TRAP1: variants seen among roughly 807,000 people sequenced by gnomAD.
TRAP1 encodes the protein TNF receptor associated protein 1.
In TRAP1, 102 loss-of-function variants were observed where a neutral mutation model predicts 89.1. The observed-to-expected ratio is 1.15, with a 90% CI of 0.98 to 1.35. The LOEUF is 1.35. Ranked by LOEUF, TRAP1 falls within the 40% of genes most tolerant of loss-of-function variation. TRAP1 has a pLI of 0.00. For synonymous variants in TRAP1, 508 were observed against 388.0 expected (o/e 1.31, Z -3.64); for missense variants, 1,256 against 945.3 (o/e 1.33, Z -4.31).
intron 4 of TRAP1, among the ~76,000 whole-genome samples, chr16:3,684,403 T>A (rs76433045): frequency 0.046 from 6,938 of 152,248 alleles, 184 homozygotes; most frequent in Admixed American, 0.058. Flanking sequence ...TATCAGTAGA[T>A]GAGATGGAAT....
At chr16:3,701,913 A>G (rs2051370626) in intron 1 of TRAP1, among the ~76,000 whole-genome samples, 1 of 152,164 alleles carries the variant, frequency 6.6e-6, no homozygotes, top group African/African-American at 2.4e-5. Flanking sequence ...ATATTAAATT[A>G]TTAAAAATAT....
At chr16:3,661,744 C>G in intron 16 of TRAP1, 1 of 418,948 alleles carries the variant, frequency 2.4e-6, no homozygotes, top group East Asian at 3.6e-5. Flanking sequence ...TAAAGCAAAA[C>G]GAGGACATGG....
At chr16:3,658,270 G>A (rs575299783) in intron 17 of TRAP1, 40 bp from the exon 18 acceptor site, 1 of 1,510,644 alleles carries the variant, frequency 6.6e-7, no homozygotes, top group Non-Finnish European at 9.0e-7. Flanking sequence ...AGGGGCATGG[G>A]GCACCTTTTC....
chr16:3,666,607 A>T (rs1219832763), intron 11 of TRAP1, among the ~76,000 whole-genome samples: 1 of 152,208 alleles, frequency 6.6e-6, no homozygotes, highest in Non-Finnish European at 1.5e-5. Flanking sequence ...GACATGAGAA[A>T]GTTAGCTGTG....
intron 14 of TRAP1, 118 bp downstream of exon 14, chr16:3,663,306 G>C (rs1023203576): frequency 2.2e-6 from 3 of 1,372,848 alleles, no homozygotes; most frequent in Non-Finnish European, 3.0e-6. Flanking sequence ...GGCTCTTCTC[G>C]GGGGTGGCTG....
chr16:3,669,421 T>A (rs771179418), intron 11 of TRAP1, among the ~76,000 whole-genome samples: 4 of 152,190 alleles, frequency 2.6e-5, no homozygotes, highest in African/African-American at 2.4e-5. Context: ...GGCCCCCTTT[T>A]CATTGATTAT....
At chr16:3,671,080 C>T (rs1051403138) in intron 11 of TRAP1, among the ~76,000 whole-genome samples, 7 of 152,144 alleles carry the variant, frequency 4.6e-5, no homozygotes, top group Non-Finnish European at 8.8e-5. Flanking sequence ...CAACAAGGCC[C>T]GTTCCATGGC....
In TRAP1 at chr16:3,674,638, C is replaced by T. The variant is rs915518348; in HGVS notation, c.889-144G>A. On this transcript the variant is annotated intron_variant, in intron 8 of 17. Coordinates refer to ENST00000246957, the MANE Select transcript of TRAP1 (RefSeq NM_016292.3). ...GGTGGTCTCAGGCGTAGACCCCTCTCCAGCCCCACCGCTGGGCTATGCCGG... is the reference window on the plus strand; with the variant it reads ...GGTGGTCTCAGGCGTAGACCCCTCTTCAGCCCCACCGCTGGGCTATGCCGG... 3.1e-6 allele frequency: 3 copies of T among 967,654 alleles called. No homozygotes were observed. The African/African-American group carries it at 4.9e-5, about 16-fold the overall frequency. The allele number at this position is 967,654 out of a possible 1,614,324, so 59.9% of individuals were successfully genotyped here. A position where few individuals can be genotyped will look rare whatever the true frequency, so the allele number is the denominator to read the frequency against.
intron 4 of TRAP1, among the ~76,000 whole-genome samples, chr16:3,684,837 C>T (rs530284813): frequency 1.3e-5 from 2 of 152,172 alleles, no homozygotes; most frequent in South Asian, 4.1e-4. Flanking sequence ...ACGCTCCCAT[C>T]GGCTATTGAG....
intron 13 of TRAP1, chr16:3,663,978 A>G: frequency 2.8e-6 from 1 of 360,774 alleles, no homozygotes; most frequent in East Asian, 5.6e-5. Flanking sequence ...CAGGAGAATG[A>G]CCTGAACCCA....
chr16:3,700,130 C>G (rs1048957458), intron 1 of TRAP1, among the ~76,000 whole-genome samples: 1 of 152,122 alleles, frequency 6.6e-6, no homozygotes, highest in East Asian at 1.9e-4. Flanking sequence ...ATCCATATTT[C>G]TTGGTATGCC....
chr16:3,665,386 A>G (rs1050395122), intron 12 of TRAP1: 1 of 152,998 alleles, frequency 6.5e-6, no homozygotes, highest in Non-Finnish European at 1.5e-5. Flanking sequence ...ATGCCACTGA[A>G]TTTTACGTGT....
At chr16:3,691,221 G>A (rs1163191357) in intron 1 of TRAP1, 2 of 328,180 alleles carry the variant, frequency 6.1e-6, no homozygotes, top group Non-Finnish European at 1.1e-5. Flanking sequence ...CCGCAGAAGC[G>A]AAACTGGAGG....
chr16:3,677,480 G>C lies in TRAP1; in HGVS notation c.704+18C>G, dbSNP rs371172204. ...AGCTCAGCTTTGAGCTGCCTGTCAG[G>C]CGACATTCGTCACTCACCCATCTGA... On this transcript the variant is annotated intron_variant, in intron 6 of 17. Coordinates refer to ENST00000246957, the MANE Select transcript of TRAP1 (RefSeq NM_016292.3). 122 of 1,613,988 alleles carry C rather than the reference G, an allele frequency of 7.6e-5. No individual in the cohort carries two copies. In the East Asian group the frequency reaches 2.7e-3, roughly 35 times the overall value.
In TRAP1 at chr16:3,695,013, CCT is replaced by C. The variant is rs112644325; in HGVS notation, c.89-4030_89-4029del. The stretch of plus-strand genomic sequence containing the variant: ...TTGGCTTGTGGGTGGTCATCTTCTC[CCT>C]GTGTCTTCCCTTCAGGACGTCTGCC... On this transcript the variant is annotated intron_variant, in intron 1 of 17. Coordinates refer to ENST00000246957, the MANE Select transcript of TRAP1 (RefSeq NM_016292.3). Among the ~76,000 whole-genome samples the C allele has an allele frequency of 8.9e-3, 1,350 of 152,264 alleles. 23 individuals carry two copies. The highest frequency in any genetic ancestry group is 0.031 in the African/African-American group (1,274 of 41,554).
chr16:3,674,819 C>G, intron 8 of TRAP1: 1 of 404,850 alleles, frequency 2.5e-6, no homozygotes, highest in Non-Finnish European at 4.6e-6. Context: ...AGAGCGATGA[C>G]GACCCACGCT....
chr16:3,666,244 T>G, intron 11 of TRAP1, 126 bp from the exon 12 acceptor site: 1 of 1,209,488 alleles, frequency 8.3e-7, no homozygotes, highest in Non-Finnish European at 1.1e-6. Context: ...GTACCGTTAT[T>G]GGCCAAACTG....
At chr16:3,686,825 G>C (rs1369776945) in intron 3 of TRAP1, among the ~76,000 whole-genome samples, 3 of 152,106 alleles carry the variant, frequency 2.0e-5, no homozygotes, top group Admixed American at 2.0e-4. Context: ...ATTAAAATTA[G>C]CTGGGCGTGA....
At chr16:3,687,651 A>C (rs1229498052) in intron 3 of TRAP1, among the ~76,000 whole-genome samples, 1 of 152,116 alleles carries the variant, frequency 6.6e-6, no homozygotes, top group African/African-American at 2.4e-5. Context: ...TGGGAGGCTG[A>C]AACAGGCAGA....
Sources: allele counts gnomAD v4.1 joint callset (sites outside exome capture counted in the v4.1 genomes callset), GRCh38; gene constraint gnomAD v4.1.1; transcripts MANE v1.5; gene names NCBI Gene and HGNC (gene_info 2026-07-23, HGNC 2026-07-21).